The following RPS6KC1 variants were observed in gnomAD, a reference collection of about 807,000 sequenced individuals.
RPS6KC1 encodes inactive ribosomal protein S6 kinase delta-1.
In RPS6KC1, 54 loss-of-function variants were observed where a neutral mutation model predicts 103.8. The observed-to-expected ratio is 0.52, with a 90% CI of 0.42 to 0.65. The LOEUF (loss-of-function observed/expected upper bound fraction) is 0.65. Among genes scored for constraint, RPS6KC1 ranks in the 30% least tolerant of loss-of-function variants. RPS6KC1 has a pLI of 0.00. For missense variants in RPS6KC1, 1,151 were observed against 1,253.8 expected (o/e 0.92, Z 1.24); for synonymous variants, 439 against 438.7 (o/e 1.00, Z -0.01).
chr1:213,595,116 C>T, the RPS6KC1 span, among the ~76,000 whole-genome samples: 1 of 152,150 alleles, frequency 6.6e-6, no homozygotes, highest in African/African-American at 2.4e-5. Context: ...CACTCGGGGA[C>T]TGCAATGACA....
At chr1:213,403,517 T>C in the RPS6KC1 span, among the ~76,000 whole-genome samples, 2 of 152,170 alleles carry the variant, frequency 1.3e-5, no homozygotes, top group African/African-American at 4.8e-5. Flanking sequence ...CTTTAAAAAA[T>C]GGTTCCTATA....
intron 8 of RPS6KC1, chr1:213,205,109 T>C: frequency 4.2e-6 from 1 of 235,662 alleles, no homozygotes; most frequent in Non-Finnish European, 6.9e-6. Context: ...GGATCCATGC[T>C]CTAAGTAGAA....
chr1:213,525,710 C>A, the RPS6KC1 span, among the ~76,000 whole-genome samples: 1 of 152,100 alleles, frequency 6.6e-6, no homozygotes, highest in Admixed American at 6.5e-5. Context: ...GCAAGGGTTT[C>A]ATGGCAAAAG....
At chr1:213,184,668 CCCA>C (rs2092444340) in intron 8 of RPS6KC1, among the ~76,000 whole-genome samples, 1 of 152,036 alleles carries the variant, frequency 6.6e-6, no homozygotes, top group Admixed American at 6.5e-5. Flanking sequence ...TTTGCCATAG[CCCA>C]CAGATTTTGG....
intron 8 of RPS6KC1, among the ~76,000 whole-genome samples, chr1:213,177,545 C>G (rs1279375094): frequency 6.6e-6 from 1 of 152,138 alleles, no homozygotes; most frequent in East Asian, 1.9e-4. Flanking sequence ...CTGTCGGTGT[C>G]TTAAGTTCTG....
chr1:213,821,528 G>A, the RPS6KC1 span: 1 of 152,336 alleles, frequency 6.6e-6, no homozygotes, highest in Admixed American at 6.5e-5. Context: ...TGCTTTTTAT[G>A]TAAAAACATT....
intron 12 of RPS6KC1, among the ~76,000 whole-genome samples, chr1:213,246,433 G>T (rs1229104095): frequency 7.2e-5 from 11 of 152,142 alleles, no homozygotes; most frequent in Non-Finnish European, 1.3e-4. Flanking sequence ...TTTTACACAG[G>T]TTCTTCTGCT....
At position 213,217,758 on chromosome 1, in the gene RPS6KC1, C is replaced by T. The variant is rs532029508; in HGVS notation, c.1045-12739C>T. On this transcript the variant is annotated intron_variant, in intron 8 of 14. Transcript: ENST00000366960. ...AACATAATCCAGCATATAAACAGAACCAATGACAAAAACCACATGATTACC... is the reference window on the plus strand; with the variant it reads ...AACATAATCCAGCATATAAACAGAATCAATGACAAAAACCACATGATTACC... 7.8e-3 allele frequency among the ~76,000 whole-genome samples: 1,187 copies of T among 152,248 alleles called. 12 individuals carry two copies. Among genetic ancestry groups the T allele is most frequent in the African/African-American group, 0.027 (1,125 of 41,540 alleles).
At chr1:213,769,449 A>G in the RPS6KC1 span, among the ~76,000 whole-genome samples, 1 of 152,022 alleles carries the variant, frequency 6.6e-6, no homozygotes, top group Non-Finnish European at 1.5e-5. Context: ...TGGAGGAAGA[A>G]GGAAGGTACC....
Position 213,241,397 on chromosome 1 carries a change from G to A in RPS6KC1, c.1921G>A (p.Ala641Thr), listed in dbSNP as rs764201065. The A allele has an allele frequency of 3.7e-6, 6 of 1,613,804 alleles. No individual in the cohort carries two copies. The highest frequency in any genetic ancestry group is 5.1e-6 in the Non-Finnish European group (6 of 1,179,954). Residue 641 changes from alanine to threonine, a missense_variant, in exon 11 of 15, where the codon GCT becomes ACT. Physicochemically the swap from Ala to Thr is moderately conservative, Grantham distance 58. This residue lies in a region of RPS6KC1 where 959 missense variants were observed against 1,006.3 expected (regional missense o/e 0.95). Coordinates refer to ENST00000366960, the MANE Select transcript of RPS6KC1 (RefSeq NM_012424.6). ...PFFTLPDGDSASRSFNTSESK... is the reference protein window; with the variant it reads ...PFFTLPDGDSTSRSFNTSESK... ...CTTTACTCTTCCAGATGGAGACAGT[G>A]CTTCTAGGAGTTTTAATACTAGTGA...
the RPS6KC1 span, among the ~76,000 whole-genome samples, chr1:213,717,785 A>G: frequency 6.6e-6 from 1 of 152,218 alleles, no homozygotes; most frequent in South Asian, 2.1e-4. Context: ...AGTATATTTT[A>G]GAGAGAGATG....
chr1:213,715,355 G>A, the RPS6KC1 span, among the ~76,000 whole-genome samples: 1 of 152,280 alleles, frequency 6.6e-6, no homozygotes, highest in African/African-American at 2.4e-5. Flanking sequence ...CTTCATAGCG[G>A]GTAAGACCAT....
the RPS6KC1 span, among the ~76,000 whole-genome samples, chr1:213,558,250 A>C: frequency 6.6e-6 from 1 of 152,218 alleles, no homozygotes; most frequent in Non-Finnish European, 1.5e-5. Flanking sequence ...AAAGAAATTC[A>C]GGTTATGAAA....
the RPS6KC1 span, among the ~76,000 whole-genome samples, chr1:213,677,160 C>G: frequency 6.6e-6 from 1 of 152,196 alleles, no homozygotes; most frequent in Admixed American, 6.5e-5. Flanking sequence ...CATGTTCTTT[C>G]TCTCTTGCCT....
At chr1:213,392,063 G>A in the RPS6KC1 span, among the ~76,000 whole-genome samples, 2 of 152,188 alleles carry the variant, frequency 1.3e-5, no homozygotes, top group East Asian at 1.9e-4. Context: ...GGCCATAGGG[G>A]AGTTGTGCCT....
chr1:213,216,523 A>G (rs967365173), intron 8 of RPS6KC1, among the ~76,000 whole-genome samples: 3 of 152,198 alleles, frequency 2.0e-5, no homozygotes, highest in African/African-American at 7.2e-5. Flanking sequence ...AAGTGGACCT[A>G]ATAGACATCT....
At chr1:213,473,002 C>A in the RPS6KC1 span, among the ~76,000 whole-genome samples, 3 of 152,294 alleles carry the variant, frequency 2.0e-5, no homozygotes, top group African/African-American at 7.2e-5. Context: ...TTTGGGGACA[C>A]CTATTCCAAT....
At chr1:213,240,631 TC>T in intron 10 of RPS6KC1, 70 bp from the exon 11 acceptor site, 1 of 1,324,678 alleles carries the variant, frequency 7.5e-7, no homozygotes, top group East Asian at 2.3e-5. Context: ...TTTTTGTTTT[TC>T]TAATGGCTTA....
At chr1:213,762,196 C>T in the RPS6KC1 span, among the ~76,000 whole-genome samples, 4 of 152,280 alleles carry the variant, frequency 2.6e-5, no homozygotes, top group East Asian at 3.9e-4. Context: ...CTCTGCCTAG[C>T]GTGCTTTTCA....
Sources: allele counts gnomAD v4.1 joint callset (sites outside exome capture counted in the v4.1 genomes callset), GRCh38; gene constraint gnomAD v4.1.1; regional missense constraint gnomAD v4.1.1; transcripts MANE v1.5; gene names NCBI Gene and HGNC (gene_info 2026-07-23, HGNC 2026-07-21).